WDPCP: variants seen among roughly 807,000 people sequenced by gnomAD.
WDPCP encodes WD repeat-containing and planar cell polarity effector protein fritz homolog.
In WDPCP, 71 loss-of-function variants were observed where a neutral mutation model predicts 93.1. The observed-to-expected ratio is 0.76, with a 90% confidence interval of 0.63 to 0.93. WDPCP has a LOEUF of 0.93. WDPCP is among the 40% of genes least tolerant of loss of function. WDPCP has a pLI of 0.00. For missense variants in WDPCP, 844 were observed against 887.4 expected (o/e 0.95, Z 0.62); for synonymous variants, 315 against 315.0 (o/e 1.00, Z 0.00).
intron 9 of WDPCP, among the ~76,000 whole-genome samples, chr2:63,424,081 AG>A (rs564580414): frequency 9.5e-4 from 144 of 152,218 alleles, no homozygotes; most frequent in African/African-American, 3.4e-3. Context: ...GGAAGGGGTG[AG>A]TGAAGTGATG....
intron 6 of WDPCP, among the ~76,000 whole-genome samples, chr2:63,443,760 A>C (rs886764218): frequency 1.3e-5 from 2 of 152,238 alleles, no homozygotes; most frequent in African/African-American, 4.8e-5. Context: ...GTAATGCTGA[A>C]GGAAATGATA....
chr2:63,291,057 A>C (rs1210260983), intron 13 of WDPCP, among the ~76,000 whole-genome samples: 2 of 152,018 alleles, frequency 1.3e-5, no homozygotes, highest in African/African-American at 4.8e-5. Flanking sequence ...CATTTTTTGA[A>C]ATATTTTTGT....
At chr2:63,734,283 G>T (rs966796093) in intron 2 of WDPCP, among the ~76,000 whole-genome samples, 1 of 151,960 alleles carries the variant, frequency 6.6e-6, no homozygotes. Context: ...TTAAGATAAA[G>T]AATTTGTATA....
chr2:63,823,434 C>T lies in WDPCP; in HGVS notation n.222+4188G>A, dbSNP rs1478272176. Among the ~76,000 whole-genome samples, 6 of 152,154 alleles carry T rather than the reference C, an allele frequency of 3.9e-5. 1 individual carries two copies. The highest frequency in any genetic ancestry group is 1.4e-4 in the African/African-American group (6 of 41,520). ...GGCAGAACTGCTTGAACCTGGGAGG[C>T]AGGGGTTGTAGTCAGCTGAGATTGC... is the stretch of plus-strand genomic sequence containing the variant. On this transcript the variant is annotated intron_variant and non_coding_transcript_variant, in intron 1 of 4. Transcript: ENST00000467687.
At chr2:63,430,839 G>A (rs558010420) in intron 9 of WDPCP, among the ~76,000 whole-genome samples, 21 of 152,284 alleles carry the variant, frequency 1.4e-4, no homozygotes, top group African/African-American at 2.9e-4. Flanking sequence ...CTGAGATTGC[G>A]CCACTGGACT....
At chr2:63,589,091 C>A, upstream of WDPCP, 5 of 1,614,154 alleles carry the variant, frequency 3.1e-6, no homozygotes, top group Non-Finnish European at 4.2e-6. Flanking sequence ...GCCCTCGCGC[C>A]CTTGAGTGGG....
chr2:63,284,254 G>C (rs1431600812), intron 13 of WDPCP, among the ~76,000 whole-genome samples: 1 of 152,168 alleles, frequency 6.6e-6, no homozygotes, highest in Non-Finnish European at 1.5e-5. Context: ...AAAGCAGATG[G>C]TTATAACTTA....
At chr2:63,717,339 A>T in intron 2 of WDPCP, 7 of 498,918 alleles carry the variant, frequency 1.4e-5, no homozygotes, top group South Asian at 1.1e-4. Flanking sequence ...ATGATGGCAC[A>T]ATAGGCACCA....
At chr2:63,725,313 T>A (rs892498302) in intron 2 of WDPCP, among the ~76,000 whole-genome samples, 1 of 152,204 alleles carries the variant, frequency 6.6e-6, no homozygotes, top group African/African-American at 2.4e-5. Flanking sequence ...TTTCTGTTTC[T>A]GCATTAATTT....
chr2:63,588,274 C>G lies in WDPCP; in HGVS notation c.-3G>C. 6.4e-7 allele frequency: 1 copy of G among 1,571,976 alleles called. No individual in the cohort carries two copies. The highest frequency in any genetic ancestry group is 1.4e-5 in the African/African-American group (1 of 73,662). Reference sequence around the variant, plus strand: ...TCCCAGCAAAACTCTCGCCTCATCACCAGACACTACCCCGGGCAGAAGGTT... The same window carrying G: ...TCCCAGCAAAACTCTCGCCTCATCAGCAGACACTACCCCGGGCAGAAGGTT... On this transcript the variant is annotated 5_prime_UTR_variant, in exon 1 of 18. Coordinates refer to ENST00000272321, the MANE Select transcript of WDPCP (RefSeq NM_015910.7).
chr2:63,540,742 GTTT>G (rs746920733), intron 1 of WDPCP, among the ~76,000 whole-genome samples: 16 of 152,020 alleles, frequency 1.1e-4, no homozygotes, highest in African/African-American at 2.9e-4. Context: ...TGATATAGTG[GTTT>G]TTTTGTTTGT....
intron 14 of WDPCP, chr2:63,228,387 CTTTTTTTTT>C: frequency 1.8e-5 from 2 of 110,416 alleles, no homozygotes; most frequent in East Asian, 2.7e-4. Context: ...TTTTCTTTTT[CTTTTTTTTT>C]TTTTTTTTTG....
intron 13 of WDPCP, among the ~76,000 whole-genome samples, chr2:63,281,240 T>A (rs1683517230): frequency 6.6e-6 from 1 of 152,094 alleles, no homozygotes; most frequent in Non-Finnish European, 1.5e-5. Flanking sequence ...ATGCTTAACA[T>A]CACTAATTAT....
At chr2:63,424,487 T>C (rs1037628198) in intron 9 of WDPCP, among the ~76,000 whole-genome samples, 1 of 152,108 alleles carries the variant, frequency 6.6e-6, no homozygotes, top group African/African-American at 2.4e-5. Flanking sequence ...CAAGAGTGTG[T>C]ACATAGCACA....
At chr2:63,818,516 A>G (rs1670972516) in intron 1 of WDPCP, among the ~76,000 whole-genome samples, 1 of 152,160 alleles carries the variant, frequency 6.6e-6, no homozygotes, top group Admixed American at 6.5e-5. Context: ...GAAAACATAT[A>G]CTGAATTCTT....
chr2:63,704,801 T>A (rs1417286044), intron 2 of WDPCP, among the ~76,000 whole-genome samples: 1 of 152,240 alleles, frequency 6.6e-6, no homozygotes, highest in Non-Finnish European at 1.5e-5. Flanking sequence ...ATCAGGATGA[T>A]GCTGGCCTCA....
At chr2:63,136,938 AT>A (rs1670663710) in intron 17 of WDPCP, among the ~76,000 whole-genome samples, 1 of 151,860 alleles carries the variant, frequency 6.6e-6, no homozygotes, top group Admixed American at 6.6e-5. Context: ...TATGTACCAC[AT>A]TTTCTTTATC....
intron 2 of WDPCP, among the ~76,000 whole-genome samples, chr2:63,687,011 C>T (rs1050793423): frequency 1.4e-4 from 21 of 152,182 alleles, no homozygotes; most frequent in African/African-American, 4.3e-4. Flanking sequence ...TTCTGGGCCA[C>T]ATCAGAAGAA....
intron 14 of WDPCP, among the ~76,000 whole-genome samples, chr2:63,193,829 G>A (rs993816637): frequency 3.3e-5 from 5 of 152,040 alleles, no homozygotes; most frequent in Non-Finnish European, 7.4e-5. Flanking sequence ...TTACAACCCA[G>A]GTTTATTCAT....
Sources: allele counts gnomAD v4.1 joint callset (sites outside exome capture counted in the v4.1 genomes callset), GRCh38; gene constraint gnomAD v4.1.1; transcripts MANE v1.5; gene names NCBI Gene and HGNC (gene_info 2026-07-23, HGNC 2026-07-21).